RBCK1: variants seen among roughly 807,000 people sequenced by gnomAD.
RBCK1 encodes ranBP-type and C3HC4-type zinc finger-containing protein 1.
A neutral mutation model predicts 71.1 loss-of-function variants in RBCK1; 44 were observed. The ratio of observed to expected loss-of-function variants is 0.62; its 90% CI spans 0.49 to 0.80. The LOEUF (loss-of-function observed/expected upper bound fraction) is 0.80. RBCK1 is among the 30% of genes least tolerant of loss of function. RBCK1 has a pLI of 0.00. For missense variants in RBCK1, 569 were observed against 685.0 expected, an observed-to-expected ratio of 0.83 and a Z score of 1.89; for synonymous variants, 306 against 279.7, an observed-to-expected ratio of 1.09 and a Z score of -0.94.
Position 427,703 on chromosome 20 carries a change from C to T in RBCK1, c.1209+211C>T, listed in dbSNP as rs538964683. On this transcript the variant is annotated intron_variant, in intron 9 of 11. Coordinates refer to ENST00000356286, the MANE Select transcript of RBCK1 (RefSeq NM_031229.4). ...CCAGCCCCAGCCCCAGATGGAGCCTCAAACCTAGGCAGCCCTGGTTCACAA... is the reference window on the plus strand; with the variant it reads ...CCAGCCCCAGCCCCAGATGGAGCCTTAAACCTAGGCAGCCCTGGTTCACAA... 3.3e-5 allele frequency among the ~76,000 whole-genome samples: 5 copies of T among 152,242 alleles called. No individual in the cohort carries two copies. The South Asian group carries it at 8.3e-4, about 25-fold the overall frequency.
intron 2 of RBCK1, chr20:410,310 T>G: frequency 1.4e-6 from 1 of 691,976 alleles, no homozygotes; most frequent in Non-Finnish European, 2.7e-6. Flanking sequence ...AACAGTGACG[T>G]AAACAAATTT....
intron 2 of RBCK1, chr20:410,713 A>C: frequency 1.7e-6 from 1 of 603,480 alleles, no homozygotes; most frequent in Non-Finnish European, 3.0e-6. Flanking sequence ...AACACTTTGC[A>C]CAATGCCTGG....
intron 2 of RBCK1, among the ~76,000 whole-genome samples, chr20:415,584 T>C (rs544310400): frequency 6.6e-6 from 1 of 152,304 alleles, no homozygotes; most frequent in African/African-American, 2.4e-5. Context: ...TCCTCTATTT[T>C]TATGCCACTA....
intron 2 of RBCK1, among the ~76,000 whole-genome samples, chr20:416,396 G>A (rs2015996846): frequency 1.3e-5 from 2 of 151,668 alleles, no homozygotes; most frequent in Admixed American, 1.3e-4. Context: ...TCCTGACCTC[G>A]TGATCCACCC....
At chr20:413,519 A>G (rs2015819922) in intron 2 of RBCK1, among the ~76,000 whole-genome samples, 1 of 152,150 alleles carries the variant, frequency 6.6e-6, no homozygotes, top group Admixed American at 6.5e-5. Context: ...TTGTTGAAGT[A>G]TCATTGTGGA....
Position 419,572 on chromosome 20 carries a change from C to T in RBCK1, c.597C>T (p.Cys199=). Residue 199 remains cysteine (C), a synonymous_variant, in exon 6 of 12, where the codon TGC becomes TGT. Transcript: ENST00000356286. ...VPEPPPVGWQ[C]PGCTFINKPT... ...TCTGCTCCCAGGTGGGCTGGCAGTG[C>T]CCCGGGTGCACCTTCATCAACAAGC... is the stretch of plus-strand genomic sequence containing the variant. 6.2e-7 allele frequency: 1 copy of T among 1,605,422 alleles called. No homozygotes were observed. Among genetic ancestry groups the T allele is most frequent in the South Asian group, 1.1e-5 (1 of 89,976 alleles).
At chr20:421,803 G>A (rs2016455043) in intron 7 of RBCK1, 1 of 321,964 alleles carries the variant, frequency 3.1e-6, no homozygotes, top group South Asian at 4.6e-5. Flanking sequence ...GGTAGGATGG[G>A]AGTCACTGGG....
chr20:419,659 C>T lies in RBCK1; in HGVS notation c.684C>T (p.Ala228=), dbSNP rs1467886743. The T allele has an allele frequency of 2.5e-6, 4 of 1,583,902 alleles. No individual in the cohort carries two copies. The highest frequency in any genetic ancestry group is 3.4e-6 in the Non-Finnish European group (4 of 1,167,554). ...GCCCCGAGGCCTACCAGGTCCCCGCCTCATACCAGCCCGACGAGGAGGAGC... is the reference window on the plus strand; with the variant it reads ...GCCCCGAGGCCTACCAGGTCCCCGCTTCATACCAGCCCGACGAGGAGGAGC... ...RARPEAYQVP[A]SYQPDEEERA... The change falls in exon 6 of 12, where the codon GCC becomes GCT. Residue 228 remains alanine, a synonymous_variant. Transcript: ENST00000356286.
chr20:428,630 C>T lies in RBCK1; in HGVS notation c.1308+41C>T. ...GGCCGAGGCCTAGGGATTTTAAGTT[C>T]TGGGATCCAGGTGGGGGCTGGGGGC... On this transcript the variant is annotated intron_variant, in intron 10 of 11. Transcript: ENST00000356286. The surrounding 1 kb of genome is among the most constrained non-coding windows in gnomAD (Gnocchi z 5.7). 1.3e-6 allele frequency: 2 copies of T among 1,557,916 alleles called. No homozygotes were observed. Among genetic ancestry groups the T allele is most frequent in the Non-Finnish European group, 1.7e-6 (2 of 1,150,716 alleles).
At chr20:414,521 C>G (rs2015884750) in intron 2 of RBCK1, among the ~76,000 whole-genome samples, 1 of 152,230 alleles carries the variant, frequency 6.6e-6, no homozygotes, top group East Asian at 1.9e-4. Flanking sequence ...TTGTGATTCT[C>G]TGCTGTTCAC....
chr20:419,320 C>G, intron 4 of RBCK1, 27 bp from the exon 5 acceptor site: 1 of 1,611,074 alleles, frequency 6.2e-7, no homozygotes, highest in African/African-American at 1.3e-5. Flanking sequence ...CCGCGTGGAA[C>G]CACCACCCTT....
At chr20:418,588 T>C (rs1255086525) in intron 4 of RBCK1, among the ~76,000 whole-genome samples, 4 of 152,146 alleles carry the variant, frequency 2.6e-5, no homozygotes, top group Admixed American at 2.0e-4. Flanking sequence ...CAGGATGGTC[T>C]CGATCTCCTG....
intron 1 of RBCK1, 59 bp downstream of exon 1, chr20:408,838 C>G: frequency 6.3e-7 from 1 of 1,577,822 alleles, no homozygotes; most frequent in Non-Finnish European, 8.6e-7. Context: ...CCCGCAGGAC[C>G]TGGCCTTGCC....
chr20:422,162 A>T lies in RBCK1; in HGVS notation c.953A>T (p.Glu318Val). The change falls in exon 8 of 12, where the codon GAG (glutamate) becomes GTG (valine). Residue 318 changes from glutamate (E) to valine (V), a missense_variant. By Grantham distance (121) the Glu-to-Val change is moderately radical. Around this residue, in one of 2 missense-constraint regions of RBCK1, gnomAD observed 211 missense variants for 309.4 expected, o/e 0.68. Transcript: ENST00000356286. This position sits in a 1 kb window ranked among gnomAD's most constrained non-coding sequence, Gnocchi z 5.0. ...CLQGTIRNSQ[E>V]AEVSCPFIDN... Reference sequence around the variant, plus strand: ...CAGGGCACCATCCGCAACAGCCAGGAGGCGGAGGTCTCCTGCCCCTTCATT... The same window carrying T: ...CAGGGCACCATCCGCAACAGCCAGGTGGCGGAGGTCTCCTGCCCCTTCATT... 6.2e-7 allele frequency: 1 copy of T among 1,612,946 alleles called. No individual in the cohort carries two copies. The highest frequency in any genetic ancestry group is 8.5e-7 in the Non-Finnish European group (1 of 1,179,858).
intron 2 of RBCK1, among the ~76,000 whole-genome samples, chr20:415,237 G>A (rs935257985): frequency 3.3e-5 from 5 of 152,030 alleles, no homozygotes; most frequent in African/African-American, 1.2e-4. Flanking sequence ...GCATGGTGGT[G>A]CGCCCATCTA....
chr20:416,341 T>TACG (rs1486891814), intron 2 of RBCK1, among the ~76,000 whole-genome samples: 1 of 151,952 alleles, frequency 6.6e-6, no homozygotes, highest in African/African-American at 2.4e-5. Flanking sequence ...TTTGTATTTT[T>TACG]AGTAGAGACG....
intron 8 of RBCK1, among the ~76,000 whole-genome samples, chr20:425,729 C>T (rs1600308663): frequency 6.6e-6 from 1 of 150,498 alleles, no homozygotes; most frequent in South Asian, 2.1e-4. Flanking sequence ...CGGGTTCAAA[C>T]GATTCTCCTG....
chr20:410,581 A>G (rs770216987), intron 2 of RBCK1: 29 of 779,580 alleles, frequency 3.7e-5, no homozygotes, highest in South Asian at 1.1e-4. Flanking sequence ...GCTACAGTTC[A>G]GCTTGAGGGG....
intron 2 of RBCK1, among the ~76,000 whole-genome samples, chr20:413,844 A>C (rs961175635): frequency 8.5e-5 from 13 of 152,090 alleles, no homozygotes; most frequent in Admixed American, 8.5e-4. Flanking sequence ...ATTAATTAAT[A>C]AAACATGAGC....
Sources: allele counts gnomAD v4.1 joint callset (sites outside exome capture counted in the v4.1 genomes callset), GRCh38; gene constraint gnomAD v4.1.1; regional missense constraint gnomAD v4.1.1; non-coding constraint Gnocchi (gnomAD v3.1); transcripts MANE v1.5; gene names NCBI Gene and HGNC (gene_info 2026-07-23, HGNC 2026-07-21).